GPC5: variants seen among roughly 807,000 people sequenced by gnomAD.
GPC5 encodes glypican-5.
Under a neutral mutation model 53.9 loss-of-function variants are expected in GPC5, and 47 were observed. The observed-to-expected ratio is 0.87, with a 90% CI of 0.69 to 1.11. The LOEUF is 1.11. Among genes scored for constraint, GPC5 ranks in the 50% most tolerant of loss-of-function variants. The pLI, the probability that GPC5 is intolerant of heterozygous loss-of-function variation, is 0.00. For missense variants in GPC5, 748 were observed against 713.1 expected (o/e 1.05, Z -0.56); for synonymous variants, 286 against 263.3 (o/e 1.09, Z -0.84).
At chr13:91,756,175 C>T in intron 4 of GPC5, 120 bp from the exon 5 acceptor site, 2 of 588,694 alleles carry the variant, frequency 3.4e-6, no homozygotes, top group Middle Eastern at 5.7e-4. Flanking sequence ...ATATTCTAAA[C>T]ATTATGCATA....
intron 5 of GPC5, among the ~76,000 whole-genome samples, chr13:91,877,862 G>C (rs1004014268): frequency 1.5e-4 from 23 of 152,188 alleles, no homozygotes; most frequent in Admixed American, 5.2e-4. Context: ...CATGTTGTGG[G>C]AGGGACCCAG....
intron 5 of GPC5, among the ~76,000 whole-genome samples, chr13:91,862,067 G>A (rs896336919): frequency 4.6e-5 from 7 of 151,736 alleles, no homozygotes; most frequent in Admixed American, 3.3e-4. Flanking sequence ...TCCCTTCAAC[G>A]AAATTGAACG....
intron 7 of GPC5, among the ~76,000 whole-genome samples, chr13:92,165,177 C>T (rs1246682788): frequency 6.6e-6 from 1 of 152,192 alleles, no homozygotes; most frequent in African/African-American, 2.4e-5. Context: ...GTGCAAATTT[C>T]TGCAGTCTGC....
At chr13:92,431,087 T>C (rs1238373716) in intron 7 of GPC5, among the ~76,000 whole-genome samples, 1 of 152,178 alleles carries the variant, frequency 6.6e-6, no homozygotes, top group Non-Finnish European at 1.5e-5. Flanking sequence ...TCTACTGATA[T>C]TTTGAGATTC....
chr13:91,963,809 T>C (rs1458651874), intron 6 of GPC5, among the ~76,000 whole-genome samples: 1 of 152,186 alleles, frequency 6.6e-6, no homozygotes, highest in Non-Finnish European at 1.5e-5. Flanking sequence ...CTCATACCAC[T>C]GCACCTGTGG....
intron 6 of GPC5, among the ~76,000 whole-genome samples, chr13:92,095,579 G>C (rs909789046): frequency 2.0e-5 from 3 of 152,066 alleles, no homozygotes; most frequent in African/African-American, 7.2e-5. Context: ...CTGTCGCCCA[G>C]GCTGGAGTGC....
At chr13:92,700,300 T>G (rs1421604290) in intron 7 of GPC5, among the ~76,000 whole-genome samples, 2 of 148,526 alleles carry the variant, frequency 1.3e-5, no homozygotes, top group South Asian at 4.3e-4. Context: ...TTGGTAAATA[T>G]TCCTCCATCC....
intron 1 of GPC5, among the ~76,000 whole-genome samples, chr13:91,442,651 G>A (rs1411298971): frequency 6.6e-6 from 1 of 152,132 alleles, no homozygotes; most frequent in Non-Finnish European, 1.5e-5. Context: ...ATGTTCCTTA[G>A]TGCTTTGTGT....
chr13:92,812,022 A>G (rs1689178949), intron 7 of GPC5, among the ~76,000 whole-genome samples: 1 of 151,936 alleles, frequency 6.6e-6, no homozygotes, highest in Non-Finnish European at 1.5e-5. Flanking sequence ...TGCAGTGATG[A>G]AGTGTGAGTT....
At chr13:91,440,860 C>T (rs748313319) in intron 1 of GPC5, among the ~76,000 whole-genome samples, 8 of 152,172 alleles carry the variant, frequency 5.3e-5, no homozygotes, top group Non-Finnish European at 1.2e-4. Context: ...ATAGACTGCA[C>T]AAGTTATGTG....
intron 3 of GPC5, among the ~76,000 whole-genome samples, chr13:91,699,470 TTAG>T (rs1395650767): frequency 3.9e-5 from 6 of 152,216 alleles, no homozygotes; most frequent in African/African-American, 1.2e-4. Context: ...ACAGTAACTG[TTAG>T]TAGTGTTGAA....
chr13:91,560,311 G>A lies in GPC5; in HGVS notation c.325+111389G>A, dbSNP rs1339627542. Among the ~76,000 whole-genome samples, 4 of 152,138 alleles carry A rather than the reference G, an allele frequency of 2.6e-5. No homozygotes were observed. The East Asian group carries it at 7.7e-4, about 29-fold the overall frequency. On this transcript the variant is annotated intron_variant, in intron 2 of 7. Coordinates refer to ENST00000377067, the MANE Select transcript of GPC5 (RefSeq NM_004466.6). ...ATTGGGAAATACATTGGTGAGGATAGTACCTTAGTCTTTGAAATGATGGGT... is the reference window on the plus strand; with the variant it reads ...ATTGGGAAATACATTGGTGAGGATAATACCTTAGTCTTTGAAATGATGGGT...
At chr13:92,694,940 G>T (rs575998788) in intron 7 of GPC5, among the ~76,000 whole-genome samples, 1 of 152,262 alleles carries the variant, frequency 6.6e-6, no homozygotes, top group South Asian at 2.1e-4. Flanking sequence ...GTAGGGTGGG[G>T]TCCCCCATGT....
chr13:92,065,370 T>G (rs2041159802), intron 6 of GPC5, among the ~76,000 whole-genome samples: 1 of 152,114 alleles, frequency 6.6e-6, no homozygotes, highest in African/African-American at 2.4e-5. Context: ...GGTGAAGATT[T>G]GTCCTTTGTG....
chr13:92,512,523 T>TCAAATATTTGAACA (rs3064769), intron 7 of GPC5, among the ~76,000 whole-genome samples: 18,313 of 151,970 alleles, frequency 0.12, 1,205 homozygotes, highest in Non-Finnish European at 0.15. Context: ...AAATGCTTCA[T>TCAAATATTTGAACA]CTGTAGGCTT....
intron 5 of GPC5, among the ~76,000 whole-genome samples, chr13:91,845,960 G>A (rs2038844335): frequency 6.6e-6 from 1 of 152,044 alleles, no homozygotes; most frequent in African/African-American, 2.4e-5. Context: ...ACTTAAAATT[G>A]GATCATAGTT....
intron 2 of GPC5, among the ~76,000 whole-genome samples, chr13:91,529,166 T>A (rs1236022824): frequency 6.6e-6 from 1 of 152,250 alleles, no homozygotes; most frequent in Non-Finnish European, 1.5e-5. Flanking sequence ...GTTACTGATG[T>A]TTAACTATTT....
chr13:91,499,103 G>A (rs1884477400), intron 2 of GPC5, among the ~76,000 whole-genome samples: 1 of 152,176 alleles, frequency 6.6e-6, no homozygotes, highest in Admixed American at 6.5e-5. Flanking sequence ...TGGAGGTAGA[G>A]TTGGGTGGAC....
rs138167205 is a variant in GPC5 at position 91,696,793 on chromosome 13, A to G, written c.1020+2912A>G. 3.7e-3 allele frequency among the ~76,000 whole-genome samples: 567 copies of G among 152,354 alleles called. 8 individuals are homozygous for G. Among genetic ancestry groups the G allele is most frequent in the African/African-American group, 0.013 (539 of 41,582 alleles). ...TGTTTAGAGAAACAAAAGTTAATTT[A>G]CAAGATAATTTTTTAAATTTCATAA... On this transcript the variant is annotated intron_variant, in intron 3 of 7. Coordinates refer to ENST00000377067, the MANE Select transcript of GPC5 (RefSeq NM_004466.6).
Sources: allele counts gnomAD v4.1 joint callset (sites outside exome capture counted in the v4.1 genomes callset), GRCh38; gene constraint gnomAD v4.1.1; transcripts MANE v1.5; gene names NCBI Gene and HGNC (gene_info 2026-07-23, HGNC 2026-07-21).